Variants in CD8B2 observed in about 807,000 individuals in gnomAD.
CD8B2 encodes the protein T-cell surface glycoprotein CD8 beta-2 chain.
A neutral mutation model predicts 23.7 loss-of-function variants in CD8B2; 11 were observed. The ratio of observed to expected loss-of-function variants is 0.46; its 90% CI spans 0.29 to 0.77. The LOEUF is 0.77. Ranked by LOEUF, CD8B2 falls within the 30% of genes least tolerant of loss-of-function variation. The pLI is 0.09. For synonymous variants in CD8B2, 90 were observed against 109.3 expected, an observed-to-expected ratio of 0.82 and a Z score of 1.10; for missense variants, 197 against 270.5, an observed-to-expected ratio of 0.73 and a Z score of 1.91.
intron 5 of CD8B2, among the ~76,000 whole-genome samples, chr2:106,506,336 C>T (rs1679505045): frequency 6.6e-6 from 1 of 152,050 alleles, no homozygotes; most frequent in Non-Finnish European, 1.5e-5. Context: ...CAGCTTGAGG[C>T]AGGGAAGGGG....
Position 106,528,475 on chromosome 2 carries a change from T to C in CD8B2, c.621-15517T>C, listed in dbSNP as rs566942157. Among the ~76,000 whole-genome samples the C allele has an allele frequency of 3.3e-5, 5 of 152,334 alleles. No individual in the cohort carries two copies. The South Asian group carries it at 8.3e-4, about 25-fold the overall frequency. ...GAAGAGTTGCAGCTACTTTCTTTTG[T>C]ATGTGGTTATTCAGTTGTTCCAGCA... is the stretch of plus-strand genomic sequence containing the variant. On this transcript the variant is annotated intron_variant, in intron 5 of 5. Coordinates refer to the CD8B2 transcript ENST00000416057.
At chr2:106,520,495 C>T (rs1208159910) in intron 5 of CD8B2, among the ~76,000 whole-genome samples, 2 of 152,200 alleles carry the variant, frequency 1.3e-5, no homozygotes. Flanking sequence ...GGCTGTCTTT[C>T]AAGCCTCCTG....
downstream of CD8B2, among the ~76,000 whole-genome samples, chr2:106,514,752 T>TCG (rs10654321): frequency 0.47 from 69,032 of 145,478 alleles, 15,584 homozygotes; most frequent in East Asian, 0.72. Context: ...GTTAAGACTT[T>TCG]TGTGTGTGTG....
chr2:106,507,291 C>T lies in CD8B2; in HGVS notation c.*351C>T. On this transcript the variant is annotated 3_prime_UTR_variant, in exon 6 of 6. Transcript: ENST00000643224. Reference sequence around the variant, plus strand: ...GTTTAGCCACCATCTTTGCAAGTTGCTTTGCCCTGGTAGGGCAGTAACATT... The same window carrying T: ...GTTTAGCCACCATCTTTGCAAGTTGTTTTGCCCTGGTAGGGCAGTAACATT... 1.9e-6 allele frequency: 2 copies of T among 1,079,544 alleles called. No homozygotes were observed. Among genetic ancestry groups the T allele is most frequent in the Non-Finnish European group, 2.2e-6 (2 of 890,300 alleles). The allele number at this position is 1,079,544 out of a possible 1,614,324, so 66.9% of individuals were successfully genotyped here.
Position 106,487,433 on chromosome 2 carries a change from CCG to C in CD8B2, c.10_11del (p.Arg4AlafsTer40). On this transcript the variant is annotated frameshift_variant, in exon 1 of 6. Transcript: ENST00000643224. LOFTEE classifies it high-confidence loss of function. ...GTGTCCCGGGCGCGCCCCGATGCGG[CCG>C]CGGCTGTGGCTCCTCCTGGCCGCGC... MR[P>X]RLWLLLAAQL... The C allele has an allele frequency of 8.0e-7, 1 of 1,247,194 alleles. No individual in the cohort carries two copies. Among genetic ancestry groups the C allele is most frequent in the Non-Finnish European group, 1.0e-6 (1 of 997,114 alleles). The allele number at this position is 1,247,194 out of a possible 1,614,324, so 77.3% of individuals were successfully genotyped here. A position where few individuals can be genotyped will look rare whatever the true frequency, so the allele number is the denominator to read the frequency against.
At position 106,510,029 on chromosome 2, in the gene CD8B2, A is replaced by C. The variant is rs1679593517; in HGVS notation, c.*3089A>C. The C allele has an allele frequency of 6.6e-6, 1 of 152,222 alleles. No homozygotes were observed. The highest frequency in any genetic ancestry group is 6.5e-5 in the Admixed American group (1 of 15,282). The allele number at this position is 152,222 out of a possible 1,614,324, so 9.4% of individuals were successfully genotyped here. A position where few individuals can be genotyped will look rare whatever the true frequency, so the allele number is the denominator to read the frequency against. On this transcript the variant is annotated 3_prime_UTR_variant, in exon 6 of 6. Coordinates refer to ENST00000643224, the MANE Select transcript of CD8B2 (RefSeq NM_001349727.2). ...GCTAAGGAATGAGCTAGATCCATATATGCTGATATCAAATGATGGTCATGA... is the reference window on the plus strand; with the variant it reads ...GCTAAGGAATGAGCTAGATCCATATCTGCTGATATCAAATGATGGTCATGA...
chr2:106,494,099 A>C (rs1679249561), intron 2 of CD8B2, among the ~76,000 whole-genome samples: 1 of 152,038 alleles, frequency 6.6e-6, no homozygotes, highest in African/African-American at 2.4e-5. Flanking sequence ...ATGCCAGCCC[A>C]AAAATGACTG....
At chr2:106,502,612 A>T in intron 4 of CD8B2, 49 bp downstream of exon 4, 1 of 1,033,368 alleles carries the variant, frequency 9.7e-7, no homozygotes. Flanking sequence ...TGCTGTTTGA[A>T]GTGTCCCTGG....
chr2:106,539,745 G>A (rs376220103), intron 5 of CD8B2, among the ~76,000 whole-genome samples: 4 of 152,050 alleles, frequency 2.6e-5, no homozygotes, highest in Non-Finnish European at 5.9e-5. Context: ...ACGGATACAC[G>A]GCTTGGAAAC....
At chr2:106,506,838 G>A (rs1228430282) in intron 5 of CD8B2, 90 bp from the exon 6 acceptor site, 3 of 1,592,680 alleles carry the variant, frequency 1.9e-6, no homozygotes, top group Non-Finnish European at 2.6e-6. Flanking sequence ...GTAGAACTCT[G>A]CATTCTCACT....
intron 5 of CD8B2, among the ~76,000 whole-genome samples, chr2:106,536,935 G>A (rs997644625): frequency 6.6e-6 from 1 of 152,354 alleles, no homozygotes. Flanking sequence ...TGGCTGTCCA[G>A]CAGGCTAACT....
At chr2:106,525,929 A>G (rs1679900086) in intron 5 of CD8B2, among the ~76,000 whole-genome samples, 1 of 152,196 alleles carries the variant, frequency 6.6e-6, no homozygotes, top group Non-Finnish European at 1.5e-5. Flanking sequence ...GGCCAAAGAT[A>G]TAAAATACAC....
At chr2:106,525,927 A>G (rs2104570788) in intron 5 of CD8B2, among the ~76,000 whole-genome samples, 1 of 152,264 alleles carries the variant, frequency 6.6e-6, no homozygotes, top group South Asian at 2.1e-4. Context: ...GAGGCCAAAG[A>G]TATAAAATAC....
chr2:106,517,213 T>A (rs1679742178), intron 5 of CD8B2, among the ~76,000 whole-genome samples: 1 of 152,044 alleles, frequency 6.6e-6, no homozygotes, highest in South Asian at 2.1e-4. Flanking sequence ...GGCTCCTGCT[T>A]TTTCTGGAGA....
intron 5 of CD8B2, chr2:106,543,928 G>T: frequency 2.5e-6 from 1 of 398,486 alleles, no homozygotes. Flanking sequence ...GATGTACATT[G>T]CCCATCTTTT....
chr2:106,497,372 C>G (rs1195387028), intron 3 of CD8B2, among the ~76,000 whole-genome samples: 1 of 152,200 alleles, frequency 6.6e-6, no homozygotes, highest in East Asian at 1.9e-4. Flanking sequence ...ACATTTGCTT[C>G]TCTATGCTCC....
At chr2:106,540,440 G>A (rs761679694) in intron 5 of CD8B2, among the ~76,000 whole-genome samples, 16 of 152,222 alleles carry the variant, frequency 1.1e-4, no homozygotes, top group Non-Finnish European at 1.9e-4. Flanking sequence ...TCAACTGGCA[G>A]TACCACTCCC....
At chr2:106,539,220 C>T (rs1680136648) in intron 5 of CD8B2, among the ~76,000 whole-genome samples, 1 of 152,162 alleles carries the variant, frequency 6.6e-6, no homozygotes, top group Non-Finnish European at 1.5e-5. Flanking sequence ...TGGGTCTCAC[C>T]TGTGTGCTGA....
At chr2:106,488,275 T>TA (rs1679120034) in intron 1 of CD8B2, among the ~76,000 whole-genome samples, 1 of 150,662 alleles carries the variant, frequency 6.6e-6, no homozygotes, top group East Asian at 2.0e-4. Flanking sequence ...TTCAGAGCAC[T>TA]AAAGTCATTA....
Sources: gnomAD v4.1 joint callset for allele counts (sites outside exome capture counted in the v4.1 genomes callset) on GRCh38, gnomAD v4.1.1 for gene constraint, MANE v1.5 for transcripts, NCBI Gene and HGNC (gene_info 2026-07-23, HGNC 2026-07-21) for gene names.